The following PHACTR1 variants were observed in gnomAD, a reference collection of about 807,000 sequenced individuals.
PHACTR1 encodes RPEL repeat containing 1.
In PHACTR1, 16 loss-of-function variants were observed where a neutral mutation model predicts 69.2. The ratio of observed to expected loss-of-function variants is 0.23; its 90% CI spans 0.16 to 0.35. The LOEUF is 0.35. Among genes scored for constraint, PHACTR1 ranks in the 10% least tolerant of loss-of-function variants. The pLI is 1.00. For synonymous variants in PHACTR1, 312 were observed against 284.5 expected, an observed-to-expected ratio of 1.10 and a Z score of -0.97; for missense variants, 510 against 734.7, an observed-to-expected ratio of 0.69 and a Z score of 3.54.
chr6:12,923,222 G>A (rs529389790), intron 4 of PHACTR1, among the ~76,000 whole-genome samples: 1 of 152,218 alleles, frequency 6.6e-6, no homozygotes, highest in Non-Finnish European at 1.5e-5. Flanking sequence ...GTCTAGATAT[G>A]ACTGACAAGT....
At chr6:13,138,038 C>T (rs1022478995) in intron 5 of PHACTR1, among the ~76,000 whole-genome samples, 1 of 152,218 alleles carries the variant, frequency 6.6e-6, no homozygotes, top group African/African-American at 2.4e-5. Context: ...TCCAGTACTT[C>T]TGCAGTAGGA....
At chr6:12,889,506 G>A (rs556031856) in intron 4 of PHACTR1, among the ~76,000 whole-genome samples, 6 of 152,228 alleles carry the variant, frequency 3.9e-5, no homozygotes, top group South Asian at 2.1e-4. Context: ...TGATTTTGTC[G>A]GCCTTCTCTC....
At chr6:13,133,961 G>A (rs1397201611) in intron 5 of PHACTR1, among the ~76,000 whole-genome samples, 1 of 151,908 alleles carries the variant, frequency 6.6e-6, no homozygotes, top group Admixed American at 6.5e-5. Context: ...CGTCTATGAT[G>A]TGAGGAGCGC....
chr6:12,762,414 A>G (rs981953060), intron 4 of PHACTR1, among the ~76,000 whole-genome samples: 9 of 152,260 alleles, frequency 5.9e-5, no homozygotes, highest in African/African-American at 2.2e-4. Context: ...TCATGGCTGT[A>G]TTTTACTGCA....
intron 4 of PHACTR1, among the ~76,000 whole-genome samples, chr6:12,886,087 T>C (rs1467801454): frequency 7.2e-5 from 11 of 151,954 alleles, no homozygotes. Context: ...AGGGTGAGAC[T>C]CCATCTCTAG....
chr6:12,900,897 G>A (rs762891375), intron 4 of PHACTR1, among the ~76,000 whole-genome samples: 18 of 151,982 alleles, frequency 1.2e-4, no homozygotes, highest in African/African-American at 4.4e-4. Flanking sequence ...CATTGCTCAG[G>A]TAAGTGTTAC....
intron 4 of PHACTR1, among the ~76,000 whole-genome samples, chr6:12,798,187 G>C (rs980761415): frequency 6.6e-6 from 1 of 151,744 alleles, no homozygotes; most frequent in African/African-American, 2.4e-5. Context: ...AAATGAATGA[G>C]GGAAGGAGAA....
intron 3 of PHACTR1, among the ~76,000 whole-genome samples, chr6:12,721,079 C>G (rs1268782844): frequency 6.6e-6 from 1 of 152,268 alleles, no homozygotes; most frequent in African/African-American, 2.4e-5. Context: ...AAAGCCCATC[C>G]TCTTCTGTTT....
intron 4 of PHACTR1, among the ~76,000 whole-genome samples, chr6:12,880,530 A>G (rs1782987804): frequency 6.6e-6 from 1 of 152,190 alleles, no homozygotes; most frequent in Admixed American, 6.5e-5. Context: ...TGCTGGGATT[A>G]CAGGTGTGAG....
At chr6:12,914,616 C>A (rs771854267) in intron 4 of PHACTR1, among the ~76,000 whole-genome samples, 95 of 152,062 alleles carry the variant, frequency 6.2e-4, no homozygotes, top group Non-Finnish European at 2.9e-4. Flanking sequence ...CTCTTTACCA[C>A]CAAAAGATTT....
intron 5 of PHACTR1, among the ~76,000 whole-genome samples, chr6:13,102,989 G>A (rs545004686): frequency 1.3e-5 from 2 of 152,140 alleles, no homozygotes; most frequent in Admixed American, 6.5e-5. Context: ...GGCAGTCCAA[G>A]CCATGCTATT....
chr6:12,780,858 C>T (rs1382902588), intron 4 of PHACTR1, among the ~76,000 whole-genome samples: 2 of 152,192 alleles, frequency 1.3e-5, no homozygotes, highest in Non-Finnish European at 2.9e-5. Flanking sequence ...TCTTTGTCAG[C>T]CCCTCTGTGC....
At chr6:12,722,316 C>A (rs1165923860) in intron 3 of PHACTR1, among the ~76,000 whole-genome samples, 1 of 152,224 alleles carries the variant, frequency 6.6e-6, no homozygotes, top group South Asian at 2.1e-4. Context: ...CTGAGTTCCC[C>A]TCTCTCATTT....
intron 4 of PHACTR1, among the ~76,000 whole-genome samples, chr6:12,826,916 T>G (rs1346963363): frequency 1.3e-5 from 2 of 152,206 alleles, no homozygotes; most frequent in African/African-American, 4.8e-5. Flanking sequence ...TGGACTAATT[T>G]TAACACTCTT....
chr6:13,268,886 T>C (rs1392421734), intron 10 of PHACTR1, among the ~76,000 whole-genome samples: 2 of 152,220 alleles, frequency 1.3e-5, no homozygotes, highest in South Asian at 2.1e-4. Flanking sequence ...ACAGAGGAAC[T>C]CATTTGAAAT....
intron 4 of PHACTR1, among the ~76,000 whole-genome samples, chr6:12,891,587 T>G (rs1402742349): frequency 6.6e-6 from 1 of 152,156 alleles, no homozygotes; most frequent in Non-Finnish European, 1.5e-5. Context: ...TCACTTATGC[T>G]CCTGTCAAAA....
chr6:12,787,745 A>G (rs1771718395), intron 4 of PHACTR1, among the ~76,000 whole-genome samples: 1 of 152,178 alleles, frequency 6.6e-6, no homozygotes, highest in Non-Finnish European at 1.5e-5. Context: ...ATTCTGAACC[A>G]GCCTCTCAGG....
chr6:13,101,553 T>C (rs1815164779), intron 5 of PHACTR1, among the ~76,000 whole-genome samples: 1 of 152,150 alleles, frequency 6.6e-6, no homozygotes. Flanking sequence ...TAAACCTGTG[T>C]TGTAAGAAAT....
chr6:12,941,486 A>G (rs558252054), intron 4 of PHACTR1, among the ~76,000 whole-genome samples: 2 of 152,234 alleles, frequency 1.3e-5, no homozygotes, highest in Non-Finnish European at 2.9e-5. Context: ...GAAGAGGTGG[A>G]GGGGCCTCAT....
Sources: allele counts gnomAD v4.1 joint callset (sites outside exome capture counted in the v4.1 genomes callset), GRCh38; gene constraint gnomAD v4.1.1; transcripts MANE v1.5; gene names NCBI Gene and HGNC (gene_info 2026-07-23, HGNC 2026-07-21).